SH3BGRL: variants seen among roughly 807,000 people sequenced by gnomAD.
The protein encoded by SH3BGRL is adapter SH3BGRL.
SH3BGRL carries 7 observed loss-of-function variants against 9.8 expected under a neutral mutation model. The observed-to-expected ratio is 0.72, with a 90% CI of 0.41 to 1.35. SH3BGRL has a LOEUF of 1.35. Ranked by LOEUF, SH3BGRL falls within the 40% of genes most tolerant of loss-of-function variation. The probability of loss-of-function intolerance (pLI) is 0.01; values close to 1 mark genes in which losing one functional copy is unlikely to be tolerated. For missense variants in SH3BGRL, 73 were observed against 84.4 expected (o/e 0.86, Z 0.53); for synonymous variants, 36 against 29.1 (o/e 1.24, Z -0.76).
chrX:81,202,513 G>C, intron 1 of SH3BGRL: 1 of 961,895 alleles, frequency 1.0e-6, no homozygotes, highest in Admixed American at 5.5e-5. Context: ...CCAAGTTTTG[G>C]GAGATGGGAG....
chrX:81,251,233 C>CA (rs1220252188), intron 1 of SH3BGRL, among the ~76,000 whole-genome samples: 5 of 111,566 alleles, frequency 4.5e-5, no homozygotes, highest in Admixed American at 9.5e-5. Context: ...ATGTATTAGA[C>CA]AAAAATATTT....
chrX:81,257,998 G>A (rs760694296), intron 1 of SH3BGRL, among the ~76,000 whole-genome samples: 7 of 111,445 alleles, frequency 6.3e-5, no homozygotes, highest in Non-Finnish European at 1.1e-4. Flanking sequence ...TGAGTCTCCT[G>A]AGCAAGGTGC....
At chrX:81,224,210 G>A (rs2075609545) in intron 1 of SH3BGRL, among the ~76,000 whole-genome samples, 1 of 111,663 alleles carries the variant, frequency 9.0e-6, no homozygotes, top group African/African-American at 3.3e-5. Context: ...TATACTTAAT[G>A]CTGTGACTTT....
intron 1 of SH3BGRL, among the ~76,000 whole-genome samples, chrX:81,235,167 G>A (rs894125159): frequency 9.1e-6 from 1 of 110,375 alleles, no homozygotes; most frequent in African/African-American, 3.3e-5. Flanking sequence ...TACATAGTAG[G>A]CACTCAATAA....
At chrX:81,278,907 T>C (rs961358755) in intron 3 of SH3BGRL, among the ~76,000 whole-genome samples, 13 of 112,193 alleles carry the variant, frequency 1.2e-4, no homozygotes, top group African/African-American at 4.2e-4. Flanking sequence ...CCAACACAAA[T>C]TAATTTTTTA....
chrX:81,245,343 A>G (rs904776327), intron 1 of SH3BGRL, among the ~76,000 whole-genome samples: 1 of 111,913 alleles, frequency 8.9e-6, no homozygotes, highest in Non-Finnish European at 1.9e-5. Context: ...CCTAGTAGCA[A>G]CAAGACTTTT....
At chrX:81,241,964 C>A (rs1432645655) in intron 1 of SH3BGRL, among the ~76,000 whole-genome samples, 1 of 112,448 alleles carries the variant, frequency 8.9e-6, no homozygotes, top group African/African-American at 3.2e-5. Flanking sequence ...CACACTTGCT[C>A]ACCCACACAC....
At chrX:81,284,074 GA>G (rs1418985250) in intron 3 of SH3BGRL, among the ~76,000 whole-genome samples, 24 of 103,160 alleles carry the variant, frequency 2.3e-4, no homozygotes, top group African/African-American at 5.3e-4. Flanking sequence ...TATGTTAGCT[GA>G]AAAAAAAAAC....
At chrX:81,219,683 A>G (rs1344083611) in intron 1 of SH3BGRL, among the ~76,000 whole-genome samples, 1 of 111,569 alleles carries the variant, frequency 9.0e-6, no homozygotes, top group Non-Finnish European at 1.9e-5. Flanking sequence ...AAAAGTGGAC[A>G]TCTTTGTCGT....
chrX:81,211,887 T>C (rs2075565791), intron 1 of SH3BGRL, among the ~76,000 whole-genome samples: 1 of 111,180 alleles, frequency 9.0e-6, no homozygotes, highest in Admixed American at 9.6e-5. Flanking sequence ...TATATATATA[T>C]GTATATACAC....
chrX:81,292,181 G>A (rs943262265), intron 3 of SH3BGRL, among the ~76,000 whole-genome samples: 3 of 112,029 alleles, frequency 2.7e-5, no homozygotes, highest in Non-Finnish European at 5.6e-5. Flanking sequence ...TCTGCATGAG[G>A]GCTCCATGCT....
intron 1 of SH3BGRL, chrX:81,255,524 T>A (rs2075723226): frequency 8.9e-6 from 1 of 111,801 alleles, no homozygotes; most frequent in African/African-American, 3.2e-5. Flanking sequence ...TAATAATTAT[T>A]AAGGATATAT....
At chrX:81,204,826 A>T (rs2075541246) in intron 1 of SH3BGRL, among the ~76,000 whole-genome samples, 1 of 112,420 alleles carries the variant, frequency 8.9e-6, no homozygotes, top group South Asian at 3.7e-4. Flanking sequence ...TCTCTCAAAA[A>T]CAAAACAAAA....
At chrX:81,226,494 ATATATATATATATC>A (rs978893493) in intron 1 of SH3BGRL, among the ~76,000 whole-genome samples, 43 of 103,972 alleles carry the variant, frequency 4.1e-4, no homozygotes, top group Non-Finnish European at 6.3e-4. Context: ...ATATATTTAT[ATATATATATATATC>A]TATATATATA....
At chrX:81,283,849 C>T (rs1222191663) in intron 3 of SH3BGRL, among the ~76,000 whole-genome samples, 3 of 110,988 alleles carry the variant, frequency 2.7e-5, no homozygotes, top group Non-Finnish European at 1.9e-5. Context: ...AAATAAAGGG[C>T]ATCCAAATTG....
chrX:81,208,658 C>G (rs1385265001), intron 1 of SH3BGRL, among the ~76,000 whole-genome samples: 1 of 112,004 alleles, frequency 8.9e-6, no homozygotes, highest in Non-Finnish European at 1.9e-5. Flanking sequence ...TAAACCCAGT[C>G]TTTAATTACT....
intron 3 of SH3BGRL, among the ~76,000 whole-genome samples, chrX:81,283,542 A>G (rs934725835): frequency 2.7e-5 from 3 of 112,211 alleles, no homozygotes; most frequent in African/African-American, 9.7e-5. Context: ...GTGATGCACC[A>G]CATAAACAGA....
intron 1 of SH3BGRL, among the ~76,000 whole-genome samples, chrX:81,230,308 G>A (rs1318702943): frequency 8.9e-6 from 1 of 111,780 alleles, no homozygotes; most frequent in Non-Finnish European, 1.9e-5. Flanking sequence ...ACATTCTACT[G>A]GAAAATACAG....
At position 81,235,178 on chromosome X, in the gene SH3BGRL, A is replaced by G. The variant is rs145339180; in HGVS notation, c.45+32933A>G. On this transcript the variant is annotated intron_variant, in intron 1 of 3. Coordinates refer to ENST00000373212, the MANE Select transcript of SH3BGRL (RefSeq NM_003022.3). The stretch of plus-strand genomic sequence containing the variant: ...TTAGTACATAGTAGGCACTCAATAA[A>G]GGTAAAGCTAACAAAATTTTGATAA... Among the ~76,000 whole-genome samples the G allele has an allele frequency of 6.6e-3, 729 of 111,054 alleles. 3 individuals are homozygous for G. The highest frequency in any genetic ancestry group is 0.013 in the Admixed American group (131 of 10,332).
Sources: gnomAD v4.1 joint callset for allele counts (sites outside exome capture counted in the v4.1 genomes callset) on GRCh38, gnomAD v4.1.1 for gene constraint, MANE v1.5 for transcripts, NCBI Gene and HGNC (gene_info 2026-07-23, HGNC 2026-07-21) for gene names.